Variants in NDUFAF2 observed in about 807,000 individuals in gnomAD.
NDUFAF2 encodes NADH dehydrogenase [ubiquinone] 1 alpha subcomplex assembly factor 2.
NDUFAF2 carries 13 observed loss-of-function variants against 22.8 expected under a neutral mutation model. The ratio of observed to expected loss-of-function variants is 0.57; its 90% CI spans 0.37 to 0.91. The LOEUF (loss-of-function observed/expected upper bound fraction) is 0.91, where lower values mean the gene tolerates loss of function less well. NDUFAF2 is among the 40% of genes least tolerant of loss of function. NDUFAF2 has a pLI of 0.01. For missense variants in NDUFAF2, 162 were observed against 195.2 expected (o/e 0.83, Z 1.01); for synonymous variants, 53 against 64.2 (o/e 0.83, Z 0.84).
chr5:60,969,788 A>G (rs1218967008), intron 1 of NDUFAF2, among the ~76,000 whole-genome samples: 2 of 152,146 alleles, frequency 1.3e-5, no homozygotes, highest in Admixed American at 6.5e-5. Context: ...ATTACTCAAG[A>G]AATCTTTCCA....
chr5:61,133,229 C>T (rs1464292194), intron 3 of NDUFAF2, among the ~76,000 whole-genome samples: 1 of 152,068 alleles, frequency 6.6e-6, no homozygotes, highest in Non-Finnish European at 1.5e-5. Flanking sequence ...GTGTACTAGA[C>T]AGGGAATATA....
chr5:61,033,722 C>A (rs1751757372), intron 1 of NDUFAF2, among the ~76,000 whole-genome samples: 1 of 151,874 alleles, frequency 6.6e-6, no homozygotes, highest in Non-Finnish European at 1.5e-5. Context: ...TGTTTTGGTT[C>A]AAATATATTT....
intron 3 of NDUFAF2, among the ~76,000 whole-genome samples, chr5:61,131,668 T>C (rs936736167): frequency 2.0e-5 from 3 of 152,118 alleles, no homozygotes; most frequent in Admixed American, 6.6e-5. Context: ...TGTACACCTA[T>C]ATATATTGAC....
chr5:61,079,749 A>G (rs1277965432), intron 2 of NDUFAF2, among the ~76,000 whole-genome samples: 1 of 152,106 alleles, frequency 6.6e-6, no homozygotes, highest in Non-Finnish European at 1.5e-5. Context: ...CCAATCCTCT[A>G]GGGTTTGTTC....
chr5:61,060,141 G>C (rs1423697354), intron 1 of NDUFAF2, among the ~76,000 whole-genome samples: 1 of 151,878 alleles, frequency 6.6e-6, no homozygotes, highest in Non-Finnish European at 1.5e-5. Context: ...TTGTTTTAAA[G>C]ATAAAAGATA....
At chr5:60,978,266 G>A (rs745845001) in intron 1 of NDUFAF2, among the ~76,000 whole-genome samples, 1 of 111,200 alleles carries the variant, frequency 9.0e-6, no homozygotes, top group African/African-American at 2.6e-5. Context: ...TGATACTGCG[G>A]GTTAAAGTCC....
chr5:61,015,571 C>A (rs1275920846), intron 1 of NDUFAF2, among the ~76,000 whole-genome samples: 4 of 152,134 alleles, frequency 2.6e-5, no homozygotes, highest in Non-Finnish European at 5.9e-5. Flanking sequence ...CCTGAGCCAC[C>A]TCACCTGGCC....
At chr5:61,059,759 A>G (rs76486536) in intron 1 of NDUFAF2, among the ~76,000 whole-genome samples, 7,103 of 152,212 alleles carry the variant, frequency 0.047, 228 homozygotes, top group Non-Finnish European at 0.068. Flanking sequence ...CTGAAAGCTT[A>G]TCTGTAAGAC....
intron 1 of NDUFAF2, among the ~76,000 whole-genome samples, chr5:61,035,114 T>G (rs1751781416): frequency 1.3e-5 from 2 of 151,572 alleles, no homozygotes; most frequent in African/African-American, 2.4e-5. Flanking sequence ...TCGCCCAGGC[T>G]GGAGTGCAGT....
At chr5:61,021,606 T>C (rs248688) in intron 1 of NDUFAF2, among the ~76,000 whole-genome samples, 101,883 of 152,114 alleles carry the variant, frequency 0.67, 34,483 homozygotes, top group East Asian at 0.94. Context: ...TCACATTATT[T>C]ATATCATTTT....
chr5:61,122,329 T>C (rs190781029), intron 3 of NDUFAF2, among the ~76,000 whole-genome samples: 1 of 152,268 alleles, frequency 6.6e-6, no homozygotes, highest in Admixed American at 6.5e-5. Context: ...TTACTAATCT[T>C]GAGAGTCATT....
intron 1 of NDUFAF2, among the ~76,000 whole-genome samples, chr5:61,053,642 T>G (rs966418068): frequency 2.0e-5 from 3 of 152,106 alleles, no homozygotes; most frequent in Non-Finnish European, 4.4e-5. Flanking sequence ...ATGGGTCAAA[T>G]TTGGTTAACA....
chr5:61,118,448 G>T (rs1752938981), intron 3 of NDUFAF2, among the ~76,000 whole-genome samples: 1 of 152,196 alleles, frequency 6.6e-6, no homozygotes, highest in South Asian at 2.1e-4. Flanking sequence ...AAGTGAGAAA[G>T]TTGTCATGGG....
At chr5:61,036,461 G>A (rs905982822) in intron 1 of NDUFAF2, among the ~76,000 whole-genome samples, 1 of 152,124 alleles carries the variant, frequency 6.6e-6, no homozygotes. Flanking sequence ...CTAGTGTTAT[G>A]AGACTAATAA....
intron 1 of NDUFAF2, among the ~76,000 whole-genome samples, chr5:61,003,152 T>C (rs1751318939): frequency 6.6e-6 from 1 of 152,144 alleles, no homozygotes; most frequent in Non-Finnish European, 1.5e-5. Flanking sequence ...TTTCCATAAA[T>C]GTCTGCCAGT....
intron 1 of NDUFAF2, among the ~76,000 whole-genome samples, chr5:60,968,462 C>G (rs1031325702): frequency 2.6e-5 from 4 of 151,642 alleles, no homozygotes; most frequent in African/African-American, 9.7e-5. Flanking sequence ...TGTAAGTGTT[C>G]ATTGCCTTAA....
At chr5:60,971,224 A>G (rs190334817) in intron 1 of NDUFAF2, among the ~76,000 whole-genome samples, 17 of 151,136 alleles carry the variant, frequency 1.1e-4, no homozygotes, top group Admixed American at 7.2e-4. Flanking sequence ...TACATGTGCC[A>G]TGTTGGTGTG....
chr5:60,978,110 A>T (rs1750927193), intron 1 of NDUFAF2, among the ~76,000 whole-genome samples: 1 of 152,128 alleles, frequency 6.6e-6, no homozygotes, highest in African/African-American at 2.4e-5. Flanking sequence ...ATTATCAGAC[A>T]TTGCGTTAGA....
chr5:61,053,500 T>C (rs1009383713), intron 1 of NDUFAF2, among the ~76,000 whole-genome samples: 18 of 152,190 alleles, frequency 1.2e-4, no homozygotes, highest in African/African-American at 4.3e-4. Context: ...TTATAGCTTA[T>C]GATCATAGAA....
Sources: allele counts gnomAD v4.1 joint callset (sites outside exome capture counted in the v4.1 genomes callset), GRCh38; gene constraint gnomAD v4.1.1; transcripts MANE v1.5; gene names NCBI Gene and HGNC (gene_info 2026-07-23, HGNC 2026-07-21).